Variants in CNTN4 observed in about 807,000 individuals in gnomAD.
CNTN4 encodes the protein contactin 4, also known as contactin-4.
A neutral mutation model predicts 122.5 loss-of-function variants in CNTN4; 77 were observed. That is an observed-to-expected ratio of 0.63 (90% CI 0.52 to 0.76). The LOEUF (loss-of-function observed/expected upper bound fraction) is 0.76, where lower values mean the gene tolerates loss of function less well. CNTN4 is among the 30% of genes least tolerant of loss of function. The pLI, the probability that CNTN4 is intolerant of heterozygous loss-of-function variation, is 0.00. For missense variants in CNTN4, 1,256 were observed against 1,259.1 expected (o/e 1.00, Z 0.04); for synonymous variants, 512 against 447.0 (o/e 1.15, Z -1.83).
At chr3:2,495,120 T>C (rs1243364175) in intron 3 of CNTN4, among the ~76,000 whole-genome samples, 1 of 152,206 alleles carries the variant, frequency 6.6e-6, no homozygotes, top group Non-Finnish European at 1.5e-5. Flanking sequence ...TAGAAGATTA[T>C]TTGAAATGCC....
chr3:3,014,388 T>C (rs561612818), intron 14 of CNTN4, among the ~76,000 whole-genome samples: 1 of 152,188 alleles, frequency 6.6e-6, no homozygotes, highest in Non-Finnish European at 1.5e-5. Context: ...CTGACTTAAA[T>C]TTCAGGCACC....
At chr3:2,114,329 G>A (rs2033185767) in intron 2 of CNTN4, among the ~76,000 whole-genome samples, 1 of 151,982 alleles carries the variant, frequency 6.6e-6, no homozygotes, top group African/African-American at 2.4e-5. Context: ...GCGTGTTGGT[G>A]CCCACCTGCA....
At chr3:2,150,932 A>G (rs2035467362) in intron 2 of CNTN4, among the ~76,000 whole-genome samples, 1 of 152,176 alleles carries the variant, frequency 6.6e-6, no homozygotes, top group African/African-American at 2.4e-5. Context: ...ATTTATTTAG[A>G]AGATACTTTT....
intron 10 of CNTN4, among the ~76,000 whole-genome samples, chr3:2,899,853 C>T (rs141668810): frequency 2.6e-3 from 396 of 151,762 alleles, no homozygotes; most frequent in Non-Finnish European, 5.0e-3. Context: ...TCTATCAATA[C>T]GAAATCAATA....
At chr3:2,229,925 T>C (rs2149536864) in intron 2 of CNTN4, among the ~76,000 whole-genome samples, 1 of 152,290 alleles carries the variant, frequency 6.6e-6, no homozygotes, top group African/African-American at 2.4e-5. Context: ...GTACTCCAAA[T>C]GTTTGATGAG....
At chr3:2,815,307 A>C (rs2150185716) in intron 6 of CNTN4, among the ~76,000 whole-genome samples, 1 of 152,340 alleles carries the variant, frequency 6.6e-6, no homozygotes, top group Non-Finnish European at 1.5e-5. Flanking sequence ...CGGACAACCC[A>C]CAGAGTGGAA....
chr3:3,056,172 A>C lies in CNTN4; in HGVS notation c.3033A>C (p.Ser1011=). The change falls in exon 25 of 25, where the codon TCA becomes TCC. Residue 1011 remains serine (S), a synonymous_variant. Coordinates refer to ENST00000418658, the MANE Select transcript of CNTN4 (RefSeq NM_175607.3). ...CCACTTCGAATGCATGTACGCTGTCAGCCATCAGTACAATAATGATTTCCC... is the reference window on the plus strand; with the variant it reads ...CCACTTCGAATGCATGTACGCTGTCCGCCATCAGTACAATAATGATTTCCC... ...GASTSNACTL[S]AISTIMISLT... The C allele has an allele frequency of 6.2e-7, 1 of 1,614,166 alleles. No homozygotes were observed. The highest frequency in any genetic ancestry group is 8.5e-7 in the Non-Finnish European group (1 of 1,179,990).
At chr3:2,886,542 C>T (rs1321047559) in intron 9 of CNTN4, among the ~76,000 whole-genome samples, 28 of 133,684 alleles carry the variant, frequency 2.1e-4, no homozygotes, top group African/African-American at 8.0e-4. Flanking sequence ...GACAAAGTCT[C>T]GCTCTGTCGC....
At chr3:2,442,303 A>G (rs2048469217) in intron 3 of CNTN4, among the ~76,000 whole-genome samples, 1 of 152,112 alleles carries the variant, frequency 6.6e-6, no homozygotes, top group South Asian at 2.1e-4. Flanking sequence ...GGAACTGCCA[A>G]AAAAATACCT....
At chr3:2,559,183 G>A (rs2078843926) in intron 3 of CNTN4, among the ~76,000 whole-genome samples, 1 of 152,154 alleles carries the variant, frequency 6.6e-6, no homozygotes, top group African/African-American at 2.4e-5. Flanking sequence ...AGGGAAAAAA[G>A]TCCCTTGACA....
chr3:2,732,535 A>G (rs1369922664), intron 4 of CNTN4, among the ~76,000 whole-genome samples: 3 of 151,834 alleles, frequency 2.0e-5, no homozygotes. Flanking sequence ...TTTATCTTCT[A>G]GGCTTTGAAA....
intron 2 of CNTN4, among the ~76,000 whole-genome samples, chr3:2,132,071 A>C (rs2034477548): frequency 6.6e-6 from 1 of 152,192 alleles, no homozygotes; most frequent in African/African-American, 2.4e-5. Context: ...GGAGCCTTGC[A>C]GTGTCCACCT....
intron 8 of CNTN4, among the ~76,000 whole-genome samples, chr3:2,869,639 T>C (rs985980061): frequency 6.6e-6 from 1 of 152,222 alleles, no homozygotes. Context: ...CTTTCTATAA[T>C]AACATTCATC....
intron 3 of CNTN4, among the ~76,000 whole-genome samples, chr3:2,346,369 C>G (rs573882873): frequency 3.3e-5 from 5 of 152,138 alleles, no homozygotes; most frequent in East Asian, 1.9e-4. Context: ...TCAACTTTTT[C>G]TTCCTCTTAG....
intron 3 of CNTN4, among the ~76,000 whole-genome samples, chr3:2,498,682 A>G (rs1020868650): frequency 1.3e-5 from 2 of 151,828 alleles, no homozygotes; most frequent in East Asian, 1.9e-4. Flanking sequence ...GGGTCTTACC[A>G]TGTTTCTCAG....
chr3:2,416,424 A>C lies in CNTN4; in HGVS notation c.-89+77191A>C, dbSNP rs1309814234. 2.0e-5 allele frequency among the ~76,000 whole-genome samples: 3 copies of C among 152,214 alleles called. No homozygotes were observed. In the East Asian group the frequency reaches 5.8e-4, roughly 29 times the overall value. On this transcript the variant is annotated intron_variant, in intron 3 of 24. Coordinates refer to ENST00000418658, the MANE Select transcript of CNTN4 (RefSeq NM_175607.3). ...TATAACATATGTAAAATGTAATTTA[A>C]ATATACAGAAATGAAAATTGGGAGG...
chr3:2,713,337 G>A (rs1202769436), intron 4 of CNTN4, among the ~76,000 whole-genome samples: 1 of 152,190 alleles, frequency 6.6e-6, no homozygotes, highest in Non-Finnish European at 1.5e-5. Context: ...TGGTGTGAAA[G>A]CAGAGGGAAA....
intron 2 of CNTN4, among the ~76,000 whole-genome samples, chr3:2,208,741 A>G (rs1238401533): frequency 2.0e-5 from 3 of 152,094 alleles, no homozygotes; most frequent in Admixed American, 6.6e-5. Flanking sequence ...AGTGACCCCA[A>G]ACCTTTAGCA....
At chr3:2,765,634 G>T (rs2090825007) in intron 6 of CNTN4, among the ~76,000 whole-genome samples, 1 of 151,990 alleles carries the variant, frequency 6.6e-6, no homozygotes, top group Admixed American at 6.6e-5. Flanking sequence ...TATTTTATAT[G>T]CCTTAGAGTT....
Sources: gnomAD v4.1 joint callset for allele counts (sites outside exome capture counted in the v4.1 genomes callset) on GRCh38, gnomAD v4.1.1 for gene constraint, MANE v1.5 for transcripts, NCBI Gene and HGNC (gene_info 2026-07-23, HGNC 2026-07-21) for gene names.